HPSE2: variants seen among roughly 807,000 people sequenced by gnomAD.
HPSE2 encodes the protein heparanase 2 (inactive).
A neutral mutation model predicts 60.5 loss-of-function variants in HPSE2; 38 were observed. The ratio of observed to expected loss-of-function variants is 0.63; its 90% CI spans 0.48 to 0.82. The LOEUF is 0.82. Ranked by LOEUF, HPSE2 falls within the 40% of genes least tolerant of loss-of-function variation. HPSE2 has a pLI of 0.00. For synonymous variants in HPSE2, 295 were observed against 293.2 expected, an observed-to-expected ratio of 1.01 and a Z score of -0.06; for missense variants, 713 against 740.4, an observed-to-expected ratio of 0.96 and a Z score of 0.43.
chr10:99,299,748 C>T, the HPSE2 span, among the ~76,000 whole-genome samples: 1 of 151,962 alleles, frequency 6.6e-6, no homozygotes, highest in Non-Finnish European at 1.5e-5. Flanking sequence ...TGCAGTCAAG[C>T]CAGTAAATTA....
At chr10:99,197,314 A>G (rs1463415781) in intron 2 of HPSE2, among the ~76,000 whole-genome samples, 3 of 152,184 alleles carry the variant, frequency 2.0e-5, no homozygotes, top group Admixed American at 1.3e-4. Context: ...GGCTAGCACA[A>G]CAGAGTGATT....
chr10:98,766,459 CAAAAT>C (rs1204703154), intron 3 of HPSE2, among the ~76,000 whole-genome samples: 3 of 152,006 alleles, frequency 2.0e-5, no homozygotes, highest in Non-Finnish European at 2.9e-5. Context: ...ATCCTTGTAA[CAAAAT>C]GAAATAAAGA....
chr10:98,549,215 A>G (rs1943786796), intron 9 of HPSE2, among the ~76,000 whole-genome samples: 1 of 152,182 alleles, frequency 6.6e-6, no homozygotes, highest in Non-Finnish European at 1.5e-5. Flanking sequence ...AAAAAAATTG[A>G]GCCTTAGATT....
chr10:98,844,492 T>C (rs574597681), intron 3 of HPSE2, among the ~76,000 whole-genome samples: 1 of 152,342 alleles, frequency 6.6e-6, no homozygotes, highest in South Asian at 2.1e-4. Context: ...AATTTGGACC[T>C]TTGTCAATAT....
At chr10:98,603,520 C>T (rs1945492036) in intron 9 of HPSE2, among the ~76,000 whole-genome samples, 1 of 151,600 alleles carries the variant, frequency 6.6e-6, no homozygotes, top group East Asian at 1.9e-4. Flanking sequence ...ACCTCCGCCT[C>T]CCAGGTTCAA....
chr10:99,051,502 T>C (rs1379110542), intron 3 of HPSE2, among the ~76,000 whole-genome samples: 3 of 152,074 alleles, frequency 2.0e-5, no homozygotes, highest in Non-Finnish European at 4.4e-5. Flanking sequence ...AAGAAGCTAG[T>C]AATTGAGATA....
chr10:98,472,775 C>T (rs1940832177), intron 11 of HPSE2, among the ~76,000 whole-genome samples: 1 of 152,108 alleles, frequency 6.6e-6, no homozygotes. Flanking sequence ...GAAAGGTAAA[C>T]ATATTTAACT....
At chr10:98,986,031 A>C (rs1011670511) in intron 3 of HPSE2, among the ~76,000 whole-genome samples, 1 of 152,176 alleles carries the variant, frequency 6.6e-6, no homozygotes, top group Admixed American at 6.5e-5. Context: ...AGACTCCCAC[A>C]CAATAATAAT....
chr10:99,220,123 T>C (rs1263509173), intron 2 of HPSE2, among the ~76,000 whole-genome samples: 1 of 152,230 alleles, frequency 6.6e-6, no homozygotes, highest in Non-Finnish European at 1.5e-5. Flanking sequence ...TTAGTTTTGC[T>C]ATGGCCATTT....
chr10:99,118,374 T>G (rs1215935730), intron 3 of HPSE2, among the ~76,000 whole-genome samples: 1 of 151,544 alleles, frequency 6.6e-6, no homozygotes, highest in East Asian at 2.0e-4. Context: ...ATACAAAAAA[T>G]TAGCCAGGTG....
intron 6 of HPSE2, among the ~76,000 whole-genome samples, chr10:98,675,576 AC>A: frequency 6.6e-6 from 1 of 151,400 alleles, no homozygotes; most frequent in East Asian, 2.0e-4. Context: ...ACACACACAC[AC>A]AATAACCAGC....
At chr10:98,970,405 G>A (rs1955922259) in intron 3 of HPSE2, among the ~76,000 whole-genome samples, 2 of 152,076 alleles carry the variant, frequency 1.3e-5, no homozygotes, top group Non-Finnish European at 2.9e-5. Context: ...TCCAACACCA[G>A]AGACCACATT....
At chr10:99,075,346 T>C (rs759962710) in intron 3 of HPSE2, among the ~76,000 whole-genome samples, 2 of 152,156 alleles carry the variant, frequency 1.3e-5, no homozygotes, top group Non-Finnish European at 2.9e-5. Context: ...CAGTTTCCCA[T>C]CTACTGTTTA....
intron 9 of HPSE2, among the ~76,000 whole-genome samples, chr10:98,526,707 G>C (rs78411002): frequency 6.6e-6 from 1 of 152,192 alleles, no homozygotes; most frequent in African/African-American, 2.4e-5. Context: ...AAGAGTACAT[G>C]CAGGGTAGAG....
intron 2 of HPSE2, among the ~76,000 whole-genome samples, chr10:99,153,320 C>G (rs1248482968): frequency 6.6e-6 from 1 of 152,212 alleles, no homozygotes; most frequent in African/African-American, 2.4e-5. Flanking sequence ...AACAAAAAGA[C>G]AGCAGTAAAC....
chr10:98,777,577 AG>A (rs1950369039), intron 3 of HPSE2, among the ~76,000 whole-genome samples: 1 of 152,216 alleles, frequency 6.6e-6, no homozygotes, highest in African/African-American at 2.4e-5. Flanking sequence ...TTTTAAAAAC[AG>A]GATGGTTGAG....
At chr10:98,788,660 T>G (rs1007102695) in intron 3 of HPSE2, among the ~76,000 whole-genome samples, 1 of 152,324 alleles carries the variant, frequency 6.6e-6, no homozygotes, top group South Asian at 2.1e-4. Context: ...CGCTGTTTCT[T>G]AAGCCGGTCT....
intron 3 of HPSE2, among the ~76,000 whole-genome samples, chr10:99,008,830 G>T (rs1956946312): frequency 6.6e-6 from 1 of 152,116 alleles, no homozygotes; most frequent in East Asian, 1.9e-4. Context: ...GAAATAAAAT[G>T]AAGCACCCCT....
intron 11 of HPSE2, among the ~76,000 whole-genome samples, chr10:98,464,615 C>T (rs567572788): frequency 6.6e-6 from 1 of 152,282 alleles, no homozygotes; most frequent in Non-Finnish European, 1.5e-5. Context: ...TTGTTTGATC[C>T]CTCACTGGGC....
Sources: gnomAD v4.1 joint callset for allele counts (sites outside exome capture counted in the v4.1 genomes callset) on GRCh38, gnomAD v4.1.1 for gene constraint, MANE v1.5 for transcripts, NCBI Gene and HGNC (gene_info 2026-07-23, HGNC 2026-07-21) for gene names.